Variants in MAGI1 observed in about 807,000 individuals in gnomAD.
MAGI1 encodes the protein membrane associated guanylate kinase, WW and PDZ domain containing 1.
Under a neutral mutation model 139.9 loss-of-function variants are expected in MAGI1, and 58 were observed. The observed-to-expected ratio is 0.41, with a 90% CI of 0.34 to 0.52. The LOEUF is 0.52. MAGI1 is among the 20% of genes least tolerant of loss of function. The pLI is 0.12. For missense variants in MAGI1, 1,874 were observed against 1,901.6 expected, an observed-to-expected ratio of 0.99 and a Z score of 0.27; for synonymous variants, 812 against 737.9, an observed-to-expected ratio of 1.10 and a Z score of -1.63.
chr3:65,716,920 A>G lies in MAGI1; in HGVS notation c.314-94832T>C, dbSNP rs561987998. Among the ~76,000 whole-genome samples the G allele has an allele frequency of 3.3e-5, 5 of 152,306 alleles. No individual in the cohort carries two copies. The East Asian group carries it at 9.7e-4, about 29-fold the overall frequency. On this transcript the variant is annotated intron_variant, in intron 1 of 22. Transcript: ENST00000402939. ...CAACTTGCTAAAGCCAAAAAGAAAA[A>G]TATTGGTGAATGTTGTAGGCAGAAT... is the stretch of plus-strand genomic sequence containing the variant.
Position 65,470,388 on chromosome 3 carries a change from T to C in MAGI1, c.854A>G (p.Gln285Arg), listed in dbSNP as rs1000227596. 1 of 1,613,954 alleles carries C rather than the reference T, an allele frequency of 6.2e-7. No individual in the cohort carries two copies. Among genetic ancestry groups the C allele is most frequent in the African/African-American group, 1.3e-5 (1 of 75,018 alleles). ...AAGAGGTAGGTATTGAGGGAACTTC[T>C]GAGAAGGGTCCGTGATGGGAGCAGC... ...IIAAPITDPS[Q>R]KFPQYLPLSA... The change falls in exon 5 of 23, where the codon CAG (glutamine) becomes CGG (arginine). Residue 285 changes from glutamine (Q) to arginine (R), a missense_variant. Transcript: ENST00000402939.
At chr3:65,700,899 T>C (rs1477696437) in intron 1 of MAGI1, among the ~76,000 whole-genome samples, 1 of 152,168 alleles carries the variant, frequency 6.6e-6, no homozygotes, top group African/African-American at 2.4e-5. Context: ...GAAGTACAGC[T>C]CTTCAGGTCA....
intron 1 of MAGI1, among the ~76,000 whole-genome samples, chr3:65,837,288 T>C (rs2042866674): frequency 6.6e-6 from 1 of 152,184 alleles, no homozygotes; most frequent in South Asian, 2.1e-4. Context: ...AGGGCTGTCA[T>C]TTCTACAGCA....
At position 65,856,579 on chromosome 3, in the gene MAGI1, A is replaced by T. The variant is rs114234396; in HGVS notation, c.313+181417T>A. 3.5e-3 allele frequency among the ~76,000 whole-genome samples: 536 copies of T among 152,302 alleles called. 2 individuals are homozygous for T. Among genetic ancestry groups the T allele is most frequent in the Non-Finnish European group, 6.2e-3 (422 of 68,020 alleles). ...CATCGGGTGACACAGATGCTGCATG[A>T]CTATAGAAAACAATGATTCTAAGAC... On this transcript the variant is annotated intron_variant, in intron 1 of 22. Coordinates refer to ENST00000402939, the MANE Select transcript of MAGI1 (RefSeq NM_001033057.2).
intron 2 of MAGI1, among the ~76,000 whole-genome samples, chr3:65,527,939 G>A (rs139441926): frequency 1.5e-4 from 23 of 151,706 alleles, no homozygotes; most frequent in African/African-American, 5.3e-4. Context: ...TTATATTTAA[G>A]AGAGATCATA....
intron 1 of MAGI1, among the ~76,000 whole-genome samples, chr3:65,981,573 T>A (rs1422865247): frequency 6.6e-6 from 1 of 152,216 alleles, no homozygotes; most frequent in Non-Finnish European, 1.5e-5. Flanking sequence ...TAGTACTTCA[T>A]ATGGTTTGGC....
At chr3:65,797,229 A>G (rs2040205387) in intron 1 of MAGI1, among the ~76,000 whole-genome samples, 1 of 152,192 alleles carries the variant, frequency 6.6e-6, no homozygotes, top group African/African-American at 2.4e-5. Context: ...GGTCTCTTAC[A>G]TTTTCAAAAG....
chr3:65,620,728 C>T (rs780402237), intron 2 of MAGI1, among the ~76,000 whole-genome samples: 15 of 152,188 alleles, frequency 9.9e-5, no homozygotes, highest in African/African-American at 2.9e-4. Flanking sequence ...ACCTCCTCTC[C>T]GTCAAATGCA....
chr3:65,404,570 T>TA (rs1559527432), intron 12 of MAGI1, among the ~76,000 whole-genome samples: 1 of 152,160 alleles, frequency 6.6e-6, no homozygotes, highest in African/African-American at 2.4e-5. Context: ...GATTGCTTTT[T>TA]AAAAAAAGAA....
At chr3:66,018,462 AT>A (rs954245257) in intron 1 of MAGI1, among the ~76,000 whole-genome samples, 25 of 148,746 alleles carry the variant, frequency 1.7e-4, no homozygotes, top group Admixed American at 9.3e-4. Flanking sequence ...AGAGCCAGGC[AT>A]TTTTTTTTTA....
intron 12 of MAGI1, among the ~76,000 whole-genome samples, chr3:65,403,097 C>T (rs368111197): frequency 1.3e-5 from 2 of 152,148 alleles, no homozygotes; most frequent in African/African-American, 2.4e-5. Flanking sequence ...TAACAAAGTG[C>T]TTTGGGGCCC....
chr3:65,570,972 C>G (rs1011135869), intron 2 of MAGI1, among the ~76,000 whole-genome samples: 1 of 152,136 alleles, frequency 6.6e-6, no homozygotes, highest in South Asian at 2.1e-4. Flanking sequence ...TCTGTAGAAA[C>G]GGAGGCTTAC....
At chr3:65,882,452 G>C (rs892004453) in intron 1 of MAGI1, among the ~76,000 whole-genome samples, 1 of 152,136 alleles carries the variant, frequency 6.6e-6, no homozygotes, top group Non-Finnish European at 1.5e-5. Context: ...TTCAGGAAGA[G>C]TATGTCTGAT....
chr3:65,957,127 A>G (rs1438867301), intron 1 of MAGI1, among the ~76,000 whole-genome samples: 4 of 152,176 alleles, frequency 2.6e-5, no homozygotes, highest in African/African-American at 9.7e-5. Context: ...ACAGTATAAT[A>G]ATTTGTAATA....
chr3:65,838,675 G>A (rs1231140308), intron 1 of MAGI1, among the ~76,000 whole-genome samples: 2 of 152,208 alleles, frequency 1.3e-5, no homozygotes, highest in East Asian at 1.9e-4. Flanking sequence ...TATAAACAAA[G>A]CTGCTATGGA....
chr3:65,599,252 G>A (rs947050105), intron 2 of MAGI1, among the ~76,000 whole-genome samples: 15 of 152,214 alleles, frequency 9.9e-5, no homozygotes, highest in Admixed American at 2.0e-4. Flanking sequence ...TTACGGGTGC[G>A]GGAGAAAGGT....
At chr3:65,660,889 C>A (rs1559763215) in intron 1 of MAGI1, among the ~76,000 whole-genome samples, 2 of 152,140 alleles carry the variant, frequency 1.3e-5, no homozygotes, top group Non-Finnish European at 2.9e-5. Flanking sequence ...AATCTTAATT[C>A]TGGGAACAAG....
chr3:65,430,880 G>A lies in MAGI1; in HGVS notation c.1365C>T (p.Gly455=), dbSNP rs763992234. 19 of 1,612,806 alleles carry A rather than the reference G, an allele frequency of 1.2e-5. No homozygotes were observed. Among genetic ancestry groups the A allele is most frequent in the Non-Finnish European group, 1.6e-5 (19 of 1,179,410 alleles). The change falls in exon 11 of 23, where the codon GGC becomes GGT. Residue 455 remains glycine, a splice_region_variant and synonymous_variant. Coordinates refer to ENST00000402939, the MANE Select transcript of MAGI1 (RefSeq NM_001033057.2). ...AAGGGTTTCGTGTAAAAAAGGGTTT[G>A]CCTGGATTAAAATAAGAAACGCATA... is the stretch of plus-strand genomic sequence containing the variant. The part of the protein sequence containing the change: ...PEPAREVPLQ[G]KPFFTRNPSE...
chr3:65,511,359 C>T (rs1292650910), intron 2 of MAGI1, among the ~76,000 whole-genome samples: 5 of 147,056 alleles, frequency 3.4e-5, no homozygotes, highest in Non-Finnish European at 7.5e-5. Context: ...CACAGACTGG[C>T]AAATTGGATA....
Sources: gnomAD v4.1 joint callset for allele counts (sites outside exome capture counted in the v4.1 genomes callset) on GRCh38, gnomAD v4.1.1 for gene constraint, MANE v1.5 for transcripts, NCBI Gene and HGNC (gene_info 2026-07-23, HGNC 2026-07-21) for gene names.